The following FARS2 variants were observed in gnomAD, a reference collection of about 807,000 sequenced individuals.
The protein encoded by FARS2 is phenylalanyl-tRNA synthetase 2, mitochondrial.
A neutral mutation model predicts 46.4 loss-of-function variants in FARS2; 40 were observed. That is an observed-to-expected ratio of 0.86 (90% CI 0.67 to 1.12). The LOEUF is 1.12. Among genes scored for constraint, FARS2 ranks in the 50% most tolerant of loss-of-function variants. FARS2 has a pLI of 0.00. For synonymous variants in FARS2, 234 were observed against 214.9 expected (o/e 1.09, Z -0.78); for missense variants, 513 against 567.9 (o/e 0.90, Z 0.98).
chr6:5,734,055 T>C (rs1432102557), intron 6 of FARS2, among the ~76,000 whole-genome samples: 1 of 152,250 alleles, frequency 6.6e-6, no homozygotes, highest in South Asian at 2.1e-4. Flanking sequence ...GCTAAACTGG[T>C]GTAATAGCTA....
chr6:5,750,652 C>T (rs373765089), intron 6 of FARS2, among the ~76,000 whole-genome samples: 5 of 151,910 alleles, frequency 3.3e-5, no homozygotes, highest in Non-Finnish European at 5.9e-5. Flanking sequence ...GAATGCAGCT[C>T]GCCATGGTAG....
At chr6:5,262,083 A>G (rs1283072429) in intron 1 of FARS2, among the ~76,000 whole-genome samples, 2 of 152,224 alleles carry the variant, frequency 1.3e-5, no homozygotes, top group Non-Finnish European at 2.9e-5. Flanking sequence ...AACCTTAGGA[A>G]GAACCACACC....
chr6:5,293,387 A>T (rs1423871531), intron 1 of FARS2, among the ~76,000 whole-genome samples: 3 of 152,186 alleles, frequency 2.0e-5, no homozygotes, highest in Admixed American at 2.0e-4. Context: ...TGAGCAGGAA[A>T]GATGGATGCT....
chr6:5,282,425 G>A (rs540226044), intron 1 of FARS2, among the ~76,000 whole-genome samples: 4 of 152,326 alleles, frequency 2.6e-5, no homozygotes, highest in African/African-American at 9.6e-5. Flanking sequence ...GCCTGAGGTT[G>A]GTGGTGGTTT....
intron 6 of FARS2, among the ~76,000 whole-genome samples, chr6:5,624,816 G>T (rs1349571065): frequency 6.6e-6 from 1 of 152,172 alleles, no homozygotes; most frequent in African/African-American, 2.4e-5. Flanking sequence ...GGGGTAGGGT[G>T]GGGCGGCCCC....
At chr6:5,385,991 G>T (rs149464883) in intron 2 of FARS2, among the ~76,000 whole-genome samples, 1 of 152,056 alleles carries the variant, frequency 6.6e-6, no homozygotes, top group Admixed American at 6.6e-5. Flanking sequence ...TGGGAAGCTC[G>T]TCCTAAACCA....
chr6:5,731,022 C>T (rs545290680), intron 6 of FARS2, among the ~76,000 whole-genome samples: 16 of 152,282 alleles, frequency 1.1e-4, no homozygotes, highest in Non-Finnish European at 2.4e-4. Flanking sequence ...ACTACACGCT[C>T]ATTTGTCTGG....
rs1168916221 is a variant in FARS2 at position 5,577,510 on chromosome 6, G to GA, written c.1065+32172dup. Among the ~76,000 whole-genome samples, 3 of 152,270 alleles carry GA rather than the reference G, an allele frequency of 2.0e-5. No individual in the cohort carries two copies. The East Asian group carries it at 5.8e-4, about 29-fold the overall frequency. On this transcript the variant is annotated intron_variant, in intron 5 of 6. Transcript: ENST00000274680. The stretch of plus-strand genomic sequence containing the variant: ...AGCAGGGCTCATTATAGAAAAGACT[G>GA]AACTCGTGGCCAGGGCAGGGAAAAT...
chr6:5,353,585 C>A (rs1482663221), intron 1 of FARS2, among the ~76,000 whole-genome samples: 1 of 152,028 alleles, frequency 6.6e-6, no homozygotes, highest in Non-Finnish European at 1.5e-5. Flanking sequence ...CCATTCTAAC[C>A]GGGGCAAGGT....
chr6:5,421,515 A>G (rs1283180793), intron 3 of FARS2, among the ~76,000 whole-genome samples: 2 of 152,112 alleles, frequency 1.3e-5, no homozygotes, highest in African/African-American at 4.8e-5. Flanking sequence ...TTTCTATCGC[A>G]TTGTCAGCCT....
chr6:5,420,286 G>GGCC (rs1047337500), intron 3 of FARS2, among the ~76,000 whole-genome samples: 7 of 151,998 alleles, frequency 4.6e-5, no homozygotes, highest in African/African-American at 1.7e-4. Context: ...TTCCATCCCT[G>GGCC]GCCCCTCCCA....
chr6:5,286,004 C>T (rs2127877998), intron 1 of FARS2, among the ~76,000 whole-genome samples: 1 of 152,164 alleles, frequency 6.6e-6, no homozygotes, highest in East Asian at 1.9e-4. Context: ...CTGTTTGCAT[C>T]ATAACATTTC....
At chr6:5,370,183 T>C (rs1473800198) in intron 2 of FARS2, among the ~76,000 whole-genome samples, 1 of 152,194 alleles carries the variant, frequency 6.6e-6, no homozygotes, top group Non-Finnish European at 1.5e-5. Context: ...TAGGTAACCA[T>C]TGTTCTGTTG....
intron 5 of FARS2, among the ~76,000 whole-genome samples, chr6:5,612,228 A>T (rs1235255286): frequency 6.6e-6 from 1 of 152,256 alleles, no homozygotes; most frequent in Non-Finnish European, 1.5e-5. Context: ...TTTGCCATTT[A>T]AAAGCTTTAT....
At chr6:5,663,666 T>C (rs997409713) in intron 6 of FARS2, among the ~76,000 whole-genome samples, 1 of 151,896 alleles carries the variant, frequency 6.6e-6, no homozygotes, top group African/African-American at 2.4e-5. Flanking sequence ...GAAGAAGGGG[T>C]GGCGCGGGCT....
At chr6:5,770,650 C>T (rs1561846814) in intron 6 of FARS2, among the ~76,000 whole-genome samples, 1 of 152,128 alleles carries the variant, frequency 6.6e-6, no homozygotes, top group Non-Finnish European at 1.5e-5. Flanking sequence ...AATAGAAGGC[C>T]CTACTGCTGT....
chr6:5,723,323 G>T (rs1483921570), intron 6 of FARS2, among the ~76,000 whole-genome samples: 2 of 152,180 alleles, frequency 1.3e-5, no homozygotes, highest in African/African-American at 4.8e-5. Flanking sequence ...TTTCTAGCTT[G>T]TTCAACCCTA....
At chr6:5,382,537 A>G (rs1292741123) in intron 2 of FARS2, among the ~76,000 whole-genome samples, 1 of 152,210 alleles carries the variant, frequency 6.6e-6, no homozygotes, top group Non-Finnish European at 1.5e-5. Context: ...TACACACAGT[A>G]AAGTCATCCA....
At chr6:5,274,664 TTC>T (rs1766203806) in intron 1 of FARS2, among the ~76,000 whole-genome samples, 1 of 152,184 alleles carries the variant, frequency 6.6e-6, no homozygotes, top group Admixed American at 6.5e-5. Context: ...ACTAATGTCT[TTC>T]TGTTTTCAGC....
Sources: allele counts gnomAD v4.1 joint callset (sites outside exome capture counted in the v4.1 genomes callset), GRCh38; gene constraint gnomAD v4.1.1; transcripts MANE v1.5; gene names NCBI Gene and HGNC (gene_info 2026-07-23, HGNC 2026-07-21).